Variants in SETBP1 observed in about 807,000 individuals in gnomAD.
SETBP1 encodes SET-binding protein.
A neutral mutation model predicts 101.0 loss-of-function variants in SETBP1; 9 were observed. That is an observed-to-expected ratio of 0.09 (90% confidence interval 0.05 to 0.16). The LOEUF (loss-of-function observed/expected upper bound fraction) is 0.16. Among genes scored for constraint, SETBP1 ranks in the 10% least tolerant of loss-of-function variants. The pLI, the probability that SETBP1 is intolerant of heterozygous loss-of-function variation, is 1.00. For missense variants in SETBP1, 1,858 were observed against 2,033.8 expected (o/e 0.91, Z 1.66); for synonymous variants, 818 against 788.5 (o/e 1.04, Z -0.63).
intron 2 of SETBP1, among the ~76,000 whole-genome samples, chr18:44,797,806 A>G (rs2071514814): frequency 6.6e-6 from 1 of 151,898 alleles, no homozygotes; most frequent in Non-Finnish European, 1.5e-5. Flanking sequence ...AACACAGCAT[A>G]TTTTGCCCAC....
chr18:44,757,091 AGCC>A (rs753041532), intron 2 of SETBP1, among the ~76,000 whole-genome samples: 44 of 152,172 alleles, frequency 2.9e-4, no homozygotes, highest in Middle Eastern at 3.4e-3. Flanking sequence ...CTGACTCCTC[AGCC>A]ATCCAAGATA....
At chr18:44,757,057 G>A (rs756577545) in intron 2 of SETBP1, among the ~76,000 whole-genome samples, 6 of 151,966 alleles carry the variant, frequency 3.9e-5, no homozygotes, top group Non-Finnish European at 7.4e-5. Context: ...AGGGGAGAGC[G>A]GCTGTATAAT....
At chr18:44,999,648 C>A (rs193207935) in intron 4 of SETBP1, among the ~76,000 whole-genome samples, 102 of 152,320 alleles carry the variant, frequency 6.7e-4, no homozygotes, top group African/African-American at 2.4e-3. Context: ...TACTAATGCT[C>A]ATAGCAAAAC....
chr18:44,918,184 C>T (rs190353999), intron 3 of SETBP1, among the ~76,000 whole-genome samples: 1 of 152,322 alleles, frequency 6.6e-6, no homozygotes, highest in Admixed American at 6.5e-5. Context: ...TAATAATCCT[C>T]GGGACAGCCT....
At chr18:44,775,000 A>G (rs1261948655) in intron 2 of SETBP1, among the ~76,000 whole-genome samples, 1 of 151,972 alleles carries the variant, frequency 6.6e-6, no homozygotes, top group Non-Finnish European at 1.5e-5. Context: ...CTAGAGGTAA[A>G]TTTAGAATTT....
At chr18:44,760,267 A>G (rs1026633316) in intron 2 of SETBP1, among the ~76,000 whole-genome samples, 1 of 152,190 alleles carries the variant, frequency 6.6e-6, no homozygotes, top group African/African-American at 2.4e-5. Context: ...GGTCTCAGAC[A>G]TCTCTCTCTG....
intron 2 of SETBP1, among the ~76,000 whole-genome samples, chr18:44,837,619 G>T (rs1438224408): frequency 1.3e-5 from 2 of 152,164 alleles, no homozygotes; most frequent in African/African-American, 2.4e-5. Flanking sequence ...GAAAATGCAG[G>T]TGTTTTGCCT....
rs1454666936 is a variant in SETBP1 at position 44,738,292 on chromosome 18, C to G, written c.486+36460C>G. On this transcript the variant is annotated intron_variant, in intron 2 of 5. Coordinates refer to ENST00000649279, the MANE Select transcript of SETBP1 (RefSeq NM_015559.3). ...TATGTGCCTATGTTGACATCTCTTT[C>G]CACTTACTCTTTGCAATTCTCTTCT... 2.0e-5 allele frequency among the ~76,000 whole-genome samples: 3 copies of G among 152,174 alleles called. No individual in the cohort carries two copies. The South Asian group carries it at 6.2e-4, about 31-fold the overall frequency.
chr18:44,862,276 C>T (rs1398145606), intron 2 of SETBP1, among the ~76,000 whole-genome samples: 1 of 152,176 alleles, frequency 6.6e-6, no homozygotes, highest in Non-Finnish European at 1.5e-5. Context: ...GAATCAAGAC[C>T]AGGCTTGCTT....
intron 5 of SETBP1, among the ~76,000 whole-genome samples, chr18:45,042,939 G>A (rs1194423560): frequency 6.6e-6 from 1 of 152,184 alleles, no homozygotes; most frequent in Non-Finnish European, 1.5e-5. Context: ...AGCCAAGGAG[G>A]TCTGATTCAA....
intron 2 of SETBP1, among the ~76,000 whole-genome samples, chr18:44,711,872 A>G (rs2069355804): frequency 6.6e-6 from 1 of 151,910 alleles, no homozygotes; most frequent in Non-Finnish European, 1.5e-5. Flanking sequence ...ATTTTCCATA[A>G]TACCCCAGTG....
chr18:44,828,656 G>C (rs957552918), intron 2 of SETBP1, among the ~76,000 whole-genome samples: 6 of 152,224 alleles, frequency 3.9e-5, no homozygotes, highest in African/African-American at 1.4e-4. Context: ...GTATCTACAG[G>C]GCTGCTGTGG....
chr18:44,949,920 G>C lies in SETBP1; in HGVS notation c.580G>C (p.Asp194His). The change falls in exon 4 of 6, where the codon GAC (aspartate) becomes CAC (histidine). Residue 194 changes from aspartate to histidine, a missense_variant. By Grantham distance (81) the Asp-to-His change is moderately conservative. This residue lies in a region of SETBP1 where 581 missense variants were observed against 535.1 expected (regional missense o/e 1.09). Transcript: ENST00000649279. The stretch of plus-strand genomic sequence containing the variant: ...CCAGAAACATTCAACTCTCCATTAT[G>C]ACACGGGCCTCCCACAGGACTTCAC... The part of the protein sequence containing the change: ...RPQKHSTLHY[D>H]TGLPQDFTGD... The C allele has an allele frequency of 3.7e-6, 6 of 1,613,804 alleles. No individual in the cohort carries two copies. The highest frequency in any genetic ancestry group is 5.1e-6 in the Non-Finnish European group (6 of 1,179,994).
At chr18:44,856,002 GT>G (rs1375355584) in intron 2 of SETBP1, among the ~76,000 whole-genome samples, 1 of 151,298 alleles carries the variant, frequency 6.6e-6, no homozygotes, top group African/African-American at 2.4e-5. Flanking sequence ...TAGTTTTGGT[GT>G]TTGGATCTAA....
At chr18:44,834,785 A>G (rs956467462) in intron 2 of SETBP1, among the ~76,000 whole-genome samples, 1 of 152,232 alleles carries the variant, frequency 6.6e-6, no homozygotes, top group South Asian at 2.1e-4. Context: ...GAAACTAAAA[A>G]TACAACCAGA....
chr18:44,869,170 T>G (rs2069210324), intron 2 of SETBP1, 60 bp from the exon 3 acceptor site: 2 of 1,458,408 alleles, frequency 1.4e-6, no homozygotes, highest in East Asian at 2.3e-5. Flanking sequence ...TCAGTTGTCG[T>G]GGGGATACTG....
intron 2 of SETBP1, among the ~76,000 whole-genome samples, chr18:44,863,422 C>A (rs1327765024): frequency 6.6e-6 from 1 of 152,214 alleles, no homozygotes; most frequent in Non-Finnish European, 1.5e-5. Context: ...TCATCTCAAG[C>A]AGCCCCCTGC....
intron 3 of SETBP1, among the ~76,000 whole-genome samples, chr18:44,888,253 GA>G (rs2069693185): frequency 6.6e-6 from 1 of 152,008 alleles, no homozygotes; most frequent in Non-Finnish European, 1.5e-5. Context: ...TCAAACCAAG[GA>G]ATTTATCCCT....
At chr18:44,944,080 C>G (rs1166105384) in intron 3 of SETBP1, among the ~76,000 whole-genome samples, 4 of 152,068 alleles carry the variant, frequency 2.6e-5, no homozygotes, top group Admixed American at 2.6e-4. Context: ...GTGATCCACT[C>G]ATCTCAGCCT....
Sources: gnomAD v4.1 joint callset for allele counts (sites outside exome capture counted in the v4.1 genomes callset) on GRCh38, gnomAD v4.1.1 for gene constraint, gnomAD v4.1.1 regional missense constraint, MANE v1.5 for transcripts, NCBI Gene and HGNC (gene_info 2026-07-23, HGNC 2026-07-21) for gene names.